Variants in NUP160 observed in about 807,000 individuals in gnomAD.
NUP160 encodes nucleoporin 160.
Under a neutral mutation model 196.9 loss-of-function variants are expected in NUP160, and 94 were observed. The observed-to-expected ratio is 0.48, with a 90% CI of 0.40 to 0.57. The LOEUF (loss-of-function observed/expected upper bound fraction) is 0.57. NUP160 is among the 20% of genes least tolerant of loss of function. NUP160 has a pLI of 0.00. For synonymous variants in NUP160, 605 were observed against 619.7 expected, an observed-to-expected ratio of 0.98 and a Z score of 0.35; for missense variants, 1,638 against 1,748.3, an observed-to-expected ratio of 0.94 and a Z score of 1.13.
At chr11:47,790,556 T>A (rs970132040) in intron 29 of NUP160, among the ~76,000 whole-genome samples, 1 of 152,134 alleles carries the variant, frequency 6.6e-6, no homozygotes, top group Non-Finnish European at 1.5e-5. Context: ...CCACCGCACC[T>A]GGCCTATACT....
chr11:47,827,142 G>C, intron 7 of NUP160: 2 of 456,032 alleles, frequency 4.4e-6, no homozygotes, highest in South Asian at 3.1e-5. Context: ...CGAGGTGGGT[G>C]GACTGCTTGA....
chr11:47,791,871 C>A, intron 29 of NUP160, 59 bp downstream of exon 29: 1 of 1,080,386 alleles, frequency 9.3e-7, no homozygotes, highest in Non-Finnish European at 1.4e-6. Flanking sequence ...CATAATACAA[C>A]TAACAATAAC....
intron 22 of NUP160, 94 bp from the exon 23 acceptor site, chr11:47,802,024 G>C: frequency 8.5e-7 from 1 of 1,172,870 alleles, no homozygotes; most frequent in Non-Finnish European, 1.2e-6. Flanking sequence ...AGCCAAAAAA[G>C]AAACAAGATT....
intron 7 of NUP160, among the ~76,000 whole-genome samples, chr11:47,822,574 C>CTT (rs74613052): frequency 7.0e-6 from 1 of 142,542 alleles, no homozygotes; most frequent in Non-Finnish European, 1.5e-5. Flanking sequence ...TTTTTCTTTT[C>CTT]TTTTTTTTTT....
At chr11:47,830,498 A>G (rs978557362) in intron 7 of NUP160, among the ~76,000 whole-genome samples, 1 of 152,228 alleles carries the variant, frequency 6.6e-6, no homozygotes, top group Non-Finnish European at 1.5e-5. Context: ...AAAACATGGT[A>G]CATATATATC....
At chr11:47,810,548 CTTTT>C (rs747018018) in intron 17 of NUP160, among the ~76,000 whole-genome samples, 3 of 139,458 alleles carry the variant, frequency 2.2e-5, no homozygotes, top group Admixed American at 7.3e-5. Flanking sequence ...TTTATAATTT[CTTTT>C]TTTTTTTTTT....
chr11:47,844,813 C>T (rs935705552), intron 2 of NUP160, among the ~76,000 whole-genome samples: 1 of 152,150 alleles, frequency 6.6e-6, no homozygotes, highest in African/African-American at 2.4e-5. Context: ...TTAAGGCATT[C>T]TAAGTCACAG....
At chr11:47,804,235 C>T (rs1249655113) in intron 21 of NUP160, 1 of 250,022 alleles carries the variant, frequency 4.0e-6, no homozygotes, top group Admixed American at 5.8e-5. Context: ...TTATACTGTC[C>T]AGAGAGAAGT....
At chr11:47,784,662 A>ATC (rs920576130) in intron 33 of NUP160, 40 of 237,882 alleles carry the variant, frequency 1.7e-4, no homozygotes, top group African/African-American at 7.8e-4. Flanking sequence ...ACGTAAGTCA[A>ATC]TATGTTCCCA....
rs1852213829 is a variant in NUP160 at position 47,838,141 on chromosome 11, A to C, written c.749-518T>G. Among the ~76,000 whole-genome samples the C allele has an allele frequency of 9.8e-5, 15 of 152,290 alleles. No individual in the cohort carries two copies. The South Asian group carries it at 3.1e-3, about 32-fold the overall frequency. On this transcript the variant is annotated intron_variant, in intron 4 of 35. Coordinates refer to ENST00000378460, the Ensembl canonical transcript of NUP160. ...GGCAGGCAGGGGCACTGCAATTTTG[A>C]AAAGGATGGTCAGGGAAGGCCTCAA...
rs530514373 is a variant in NUP160, at chr11:47,803,611, G to A, written c.2677-75C>T. 1.2e-3 allele frequency: 973 copies of A among 816,524 alleles called. 2 individuals are homozygous for A. Among genetic ancestry groups the A allele is most frequent in the Middle Eastern group, 1.1e-3 (5 of 4,416 alleles). The allele number at this position is 816,524 out of a possible 1,614,324, so 50.6% of individuals were successfully genotyped here. A position where few individuals can be genotyped will look rare whatever the true frequency, so the allele number is the denominator to read the frequency against. ...GGAGATACTCATTCCCAAGTTATTC[G>A]TCACAGAGGATGAAAAGACAGTGTT... On this transcript the variant is annotated intron_variant, in intron 21 of 35. Transcript: ENST00000378460.
intron 7 of NUP160, among the ~76,000 whole-genome samples, chr11:47,828,764 A>G (rs745549220): frequency 1.3e-5 from 2 of 152,226 alleles, no homozygotes; most frequent in African/African-American, 4.8e-5. Context: ...AACAGAATTG[A>G]GAGCCTAGAA....
intron 11 of NUP160, among the ~76,000 whole-genome samples, chr11:47,817,504 G>A (rs1009547266): frequency 1.3e-5 from 2 of 151,810 alleles, no homozygotes; most frequent in Admixed American, 1.3e-4. Flanking sequence ...GTGCCACCAC[G>A]CCCGGCTAAT....
Position 47,792,578 on chromosome 11 carries a change from C to T in NUP160, c.3450+208G>A, listed in dbSNP as rs559672032. ...ACTCCAAAACCACTCTGCAATATTT[C>T]TTCCTACAATAATTCTGAACTTGAA... is the stretch of plus-strand genomic sequence containing the variant. On this transcript the variant is annotated intron_variant, in intron 28 of 35. Coordinates refer to ENST00000378460, the Ensembl canonical transcript of NUP160. 6.0e-5 allele frequency: 29 copies of T among 483,182 alleles called. No homozygotes were observed. In the South Asian group the frequency reaches 9.2e-4, roughly 15 times the overall value. The allele number at this position is 483,182 out of a possible 1,614,324, so 29.9% of individuals were successfully genotyped here.
chr11:47,840,817 G>C (rs1338804090), intron 2 of NUP160, among the ~76,000 whole-genome samples: 2 of 152,116 alleles, frequency 1.3e-5, no homozygotes, highest in Admixed American at 6.5e-5. Flanking sequence ...TTCCAAACTT[G>C]ATAGGCCATT....
At chr11:47,811,996 GCTC>G in intron 17 of NUP160, 65 bp downstream of exon 17, 1 of 1,433,476 alleles carries the variant, frequency 7.0e-7, no homozygotes, top group Non-Finnish European at 9.7e-7. Flanking sequence ...CTGACATTTT[GCTC>G]CTAAGTGCTT....
chr11:47,838,220 T>C (rs539788783), intron 4 of NUP160, among the ~76,000 whole-genome samples: 1 of 152,306 alleles, frequency 6.6e-6, no homozygotes, highest in African/African-American at 2.4e-5. Context: ...GCCAAGCTAG[T>C]AGCTGACAAT....
chr11:47,792,067 T>G (rs2097668197), intron 28 of NUP160, 77 bp from the exon 29 acceptor site: 1 of 993,808 alleles, frequency 1.0e-6, no homozygotes, highest in Admixed American at 2.4e-5. Flanking sequence ...ATTCATAGCT[T>G]TTATGCTTAA....
intron 35 of NUP160, 29 bp from the exon 36 acceptor site, chr11:47,779,223 A>C: frequency 1.4e-6 from 2 of 1,393,560 alleles, no homozygotes; most frequent in Non-Finnish European, 2.0e-6. Context: ...AAAACATTAC[A>C]TAACAGCTCA....
Sources: allele counts gnomAD v4.1 joint callset (sites outside exome capture counted in the v4.1 genomes callset), GRCh38; gene constraint gnomAD v4.1.1; transcripts MANE v1.5; gene names NCBI Gene and HGNC (gene_info 2026-07-23, HGNC 2026-07-21).